The following ANKS1B variants were observed in gnomAD, a reference collection of about 807,000 sequenced individuals.
ANKS1B encodes ankyrin repeat and sterile alpha motif domain containing 1B.
A neutral mutation model predicts 148.3 loss-of-function variants in ANKS1B; 36 were observed. The ratio of observed to expected loss-of-function variants is 0.24; its 90% CI spans 0.19 to 0.32. The LOEUF (loss-of-function observed/expected upper bound fraction) is 0.32. Among genes scored for constraint, ANKS1B ranks in the 10% least tolerant of loss-of-function variants. The pLI is 1.00. For missense variants in ANKS1B, 1,157 were observed against 1,542.6 expected (o/e 0.75, Z 4.19); for synonymous variants, 542 against 560.8 (o/e 0.97, Z 0.47).
chr12:99,767,887 G>C (rs1601744744), intron 8 of ANKS1B, among the ~76,000 whole-genome samples: 1 of 152,020 alleles, frequency 6.6e-6, no homozygotes, highest in African/African-American at 2.4e-5. Context: ...ATTAGTAAAA[G>C]TGTTCAAACT....
chr12:99,639,514 T>A (rs915048853), intron 9 of ANKS1B, among the ~76,000 whole-genome samples: 2 of 152,084 alleles, frequency 1.3e-5, no homozygotes, highest in African/African-American at 4.8e-5. Flanking sequence ...TTTGCTTGTG[T>A]CCCCACCAAA....
intron 12 of ANKS1B, among the ~76,000 whole-genome samples, chr12:99,270,288 T>C (rs2153987741): frequency 6.6e-6 from 1 of 152,328 alleles, no homozygotes; most frequent in South Asian, 2.1e-4. Context: ...TTTCTCATTA[T>C]GAGAGCTCAG....
chr12:98,851,884 C>T (rs2099528909), intron 17 of ANKS1B, among the ~76,000 whole-genome samples: 1 of 151,858 alleles, frequency 6.6e-6, no homozygotes, highest in Admixed American at 6.6e-5. Context: ...ATTAGCTGGG[C>T]ATGGTGGTGC....
At chr12:99,013,432 A>G (rs1217236448) in intron 17 of ANKS1B, among the ~76,000 whole-genome samples, 3 of 152,054 alleles carry the variant, frequency 2.0e-5, no homozygotes, top group Non-Finnish European at 2.9e-5. Context: ...AGCATTTCCT[A>G]TGTCCTAAGA....
chr12:98,822,525 A>C (rs2099205843), intron 19 of ANKS1B, among the ~76,000 whole-genome samples: 1 of 152,210 alleles, frequency 6.6e-6, no homozygotes, highest in Non-Finnish European at 1.5e-5. Flanking sequence ...AAATATCACA[A>C]GGTCAATTCC....
intron 12 of ANKS1B, among the ~76,000 whole-genome samples, chr12:99,257,218 G>T (rs535396792): frequency 6.6e-6 from 1 of 151,890 alleles, no homozygotes; most frequent in African/African-American, 2.4e-5. Flanking sequence ...CACTCCAGCC[G>T]GGGCAACACA....
chr12:99,690,631 A>C (rs2098674102), intron 8 of ANKS1B, among the ~76,000 whole-genome samples: 2 of 152,160 alleles, frequency 1.3e-5, no homozygotes. Context: ...TCCACGTCTC[A>C]CATCTGGGTC....
chr12:99,274,122 T>C (rs2077396062), intron 12 of ANKS1B, among the ~76,000 whole-genome samples: 1 of 152,112 alleles, frequency 6.6e-6, no homozygotes, highest in African/African-American at 2.4e-5. Context: ...ATTTGATCTT[T>C]TGAGGGCTTA....
chr12:99,193,125 A>G (rs1483245334), intron 14 of ANKS1B, among the ~76,000 whole-genome samples: 2 of 152,200 alleles, frequency 1.3e-5, no homozygotes, highest in African/African-American at 4.8e-5. Context: ...CACCTGCAAT[A>G]AATTATATAT....
intron 17 of ANKS1B, among the ~76,000 whole-genome samples, chr12:98,986,260 T>C (rs1250124427): frequency 6.6e-6 from 1 of 152,122 alleles, no homozygotes; most frequent in East Asian, 1.9e-4. Context: ...TTATTAATTT[T>C]AGAAATTCTC....
chr12:99,881,435 A>C lies in ANKS1B; in HGVS notation c.135-56046T>G, dbSNP rs954013121. Among the ~76,000 whole-genome samples the C allele has an allele frequency of 3.9e-5, 6 of 152,308 alleles. No homozygotes were observed. The South Asian group carries it at 8.3e-4, about 21-fold the overall frequency. ...CAAACTCCTACTGCTTTTTCTCTCTATCTCTGTTTACCTACCTCTTGAACC... is the reference window on the plus strand; with the variant it reads ...CAAACTCCTACTGCTTTTTCTCTCTCTCTCTGTTTACCTACCTCTTGAACC... On this transcript the variant is annotated intron_variant, in intron 1 of 26. Transcript: ENST00000683438.
chr12:99,236,858 C>T (rs2088066485), intron 14 of ANKS1B, among the ~76,000 whole-genome samples: 1 of 152,132 alleles, frequency 6.6e-6, no homozygotes, highest in Admixed American at 6.5e-5. Context: ...AACAGAAAAC[C>T]AAATTCTGCA....
At chr12:99,259,791 C>A (rs2075727656) in intron 12 of ANKS1B, among the ~76,000 whole-genome samples, 2 of 152,208 alleles carry the variant, frequency 1.3e-5, no homozygotes, top group African/African-American at 4.8e-5. Context: ...CTCTGTTACC[C>A]TCAACCACTA....
chr12:98,959,635 G>T (rs1039570471), intron 17 of ANKS1B, among the ~76,000 whole-genome samples: 1 of 152,198 alleles, frequency 6.6e-6, no homozygotes, highest in Non-Finnish European at 1.5e-5. Context: ...AATCAGCTTA[G>T]GTACCAGCTT....
chr12:99,193,106 C>T (rs946852772), intron 14 of ANKS1B, among the ~76,000 whole-genome samples: 1 of 152,186 alleles, frequency 6.6e-6, no homozygotes, highest in African/African-American at 2.4e-5. Context: ...ATTCATATTG[C>T]ATACCTTACA....
chr12:98,976,176 G>C (rs916605219), intron 17 of ANKS1B, among the ~76,000 whole-genome samples: 1 of 152,142 alleles, frequency 6.6e-6, no homozygotes, highest in Non-Finnish European at 1.5e-5. Flanking sequence ...TACACTATTG[G>C]CCGGTGTTTA....
intron 12 of ANKS1B, among the ~76,000 whole-genome samples, chr12:99,329,572 G>T (rs2087108987): frequency 6.6e-6 from 1 of 151,838 alleles, no homozygotes; most frequent in South Asian, 2.1e-4. Flanking sequence ...TATGTAGTAT[G>T]CATTGTATAT....
chr12:99,269,904 G>A (rs1263192759), intron 12 of ANKS1B, among the ~76,000 whole-genome samples: 2 of 152,084 alleles, frequency 1.3e-5, no homozygotes, highest in Non-Finnish European at 2.9e-5. Flanking sequence ...GAGTGATACC[G>A]GGGTACTTGA....
intron 12 of ANKS1B, among the ~76,000 whole-genome samples, chr12:99,292,525 A>AC (rs1293536232): frequency 6.3e-4 from 94 of 150,114 alleles, no homozygotes; most frequent in Middle Eastern, 3.5e-3. Context: ...AAAAAAAAAA[A>AC]AACGAAACAA....
Sources: gnomAD v4.1 joint callset for allele counts (sites outside exome capture counted in the v4.1 genomes callset) on GRCh38, gnomAD v4.1.1 for gene constraint, MANE v1.5 for transcripts, NCBI Gene and HGNC (gene_info 2026-07-23, HGNC 2026-07-21) for gene names.